The following RDH8 variants were observed in gnomAD, a reference collection of about 807,000 sequenced individuals.
The protein encoded by RDH8 is photoreceptor outer segment all-trans retinol dehydrogenase.
In RDH8, 14 loss-of-function variants were observed where a neutral mutation model predicts 22.3. The ratio of observed to expected loss-of-function variants is 0.63; its 90% CI spans 0.42 to 0.98. RDH8 has a LOEUF of 0.98. RDH8 is among the 50% of genes least tolerant of loss of function. The pLI, the probability that RDH8 is intolerant of heterozygous loss-of-function variation, is 0.00. For missense variants in RDH8, 389 were observed against 409.8 expected, an observed-to-expected ratio of 0.95 and a Z score of 0.44; for synonymous variants, 175 against 171.7, an observed-to-expected ratio of 1.02 and a Z score of -0.15.
intron 4 of RDH8, 141 bp downstream of exon 4, chr19:10,020,943 G>C (rs892353441): frequency 7.2e-6 from 5 of 694,700 alleles, no homozygotes; most frequent in Non-Finnish European, 1.2e-5. Flanking sequence ...AGGCTGAAAT[G>C]GGAGGATCGC....
intron 3 of RDH8, among the ~76,000 whole-genome samples, chr19:10,020,025 C>A (rs553553610): frequency 6.6e-6 from 1 of 152,036 alleles, no homozygotes; most frequent in Admixed American, 6.6e-5. Flanking sequence ...CCTGTAGTCC[C>A]AGCTACTCAG....
intron 2 of RDH8, 64 bp downstream of exon 2, chr19:10,017,279 G>A (rs1167891251): frequency 2.1e-6 from 3 of 1,427,134 alleles, no homozygotes; most frequent in East Asian, 2.4e-5. Flanking sequence ...CCCTCAATAT[G>A]GCAAGGTCTG....
rs559388073 is a variant in RDH8, at chr19:10,021,495, C to T, written c.721-39C>T. The T allele has an allele frequency of 7.4e-6, 12 of 1,613,814 alleles. 1 individual carries two copies. The South Asian group carries it at 1.3e-4, about 18-fold the overall frequency. Reference sequence around the variant, plus strand: ...GCTCAGGTATGTTGCGGGGTGAGGCCCTCCCTGGGTCCCAGCGCTCAGGGC... The same window carrying T: ...GCTCAGGTATGTTGCGGGGTGAGGCTCTCCCTGGGTCCCAGCGCTCAGGGC... On this transcript the variant is annotated intron_variant, in intron 5 of 5. Transcript: ENST00000591589.
Position 10,013,634 on chromosome 19 carries a change from G to A in RDH8, c.103+34G>A, listed in dbSNP as rs192436673. 1.6e-4 allele frequency: 264 copies of A among 1,611,506 alleles called. No homozygotes were observed. The African/African-American group carries it at 1.9e-3, about 12-fold the overall frequency. ...TGCAGGGTGGCACTAGGAGGCAGCC[G>A]GGTGGAAACGGCTTCCCCAGCACTG... is the stretch of plus-strand genomic sequence containing the variant. On this transcript the variant is annotated intron_variant, in intron 1 of 5. Transcript: ENST00000591589.
Position 10,021,817 on chromosome 19 carries a change from G to T in RDH8, c.*68G>T, listed in dbSNP as rs2087664602. ...CTCTTCATTCCACATCTAATTCAAA[G>T]GATGAACAGACTCTTCATTTATTCA... On this transcript the variant is annotated 3_prime_UTR_variant, in exon 6 of 6. Coordinates refer to ENST00000591589, the MANE Select transcript of RDH8 (RefSeq NM_015725.4). The T allele has an allele frequency of 2.1e-6, 3 of 1,461,692 alleles. No individual in the cohort carries two copies. The highest frequency in any genetic ancestry group is 4.7e-5 in the East Asian group (2 of 42,874). The allele number at this position is 1,461,692 out of a possible 1,614,324, so 90.5% of individuals were successfully genotyped here.
chr19:10,021,653 G>A lies in RDH8; in HGVS notation c.840G>A (p.Thr280=), dbSNP rs568430031. 4.3e-6 allele frequency: 7 copies of A among 1,614,034 alleles called. No individual in the cohort carries two copies. The highest frequency in any genetic ancestry group is 1.7e-5 in the Admixed American group (1 of 59,996). Residue 280 remains threonine (T), a synonymous_variant, in exon 6 of 6, where the codon ACG becomes ACA. Transcript: ENST00000591589. ...CCTCTGGCAGCCTGTATGTGCGAAC[G>A]ACCCACCGCCTCCTCTTCCGCTGTC... is the stretch of plus-strand genomic sequence containing the variant. ...VDSSGSLYVR[T]THRLLFRCPR...
intron 2 of RDH8, among the ~76,000 whole-genome samples, chr19:10,018,015 A>G (rs8104885): frequency 0.67 from 100,637 of 151,276 alleles, 34,459 homozygotes; most frequent in African/African-American, 0.84. Context: ...GCGCAATCTC[A>G]GCTCACTGCA....
rs939449748 is a variant in RDH8 at position 10,021,120 on chromosome 19, G to A, written c.537-135G>A. On this transcript the variant is annotated intron_variant, in intron 4 of 5. Transcript: ENST00000591589. ...ACCCAGGAGTTGGAGGCTGCAGACAGCTATGATCATGCCACTGCACTCCAG... is the reference window on the plus strand; with the variant it reads ...ACCCAGGAGTTGGAGGCTGCAGACAACTATGATCATGCCACTGCACTCCAG... 3 of 809,862 alleles carry A rather than the reference G, an allele frequency of 3.7e-6. No individual in the cohort carries two copies. The African/African-American group carries it at 5.2e-5, about 14-fold the overall frequency. The allele number at this position is 809,862 out of a possible 1,614,324, so 50.2% of individuals were successfully genotyped here.
chr19:10,013,624 G>T, intron 1 of RDH8, 24 bp downstream of exon 1: 1 of 1,613,188 alleles, frequency 6.2e-7, no homozygotes. Context: ...GGTGGCACTA[G>T]GAGGCAGCCG....
rs1049553523 is a variant in RDH8 at position 10,016,304 on chromosome 19, G to A, written c.104-753G>A. 2.3e-3 allele frequency among the ~76,000 whole-genome samples: 315 copies of A among 134,076 alleles called. 1 individual carries two copies. Among genetic ancestry groups the A allele is most frequent in the African/African-American group, 8.8e-3 (298 of 33,780 alleles). 88.0% of individuals were successfully genotyped at this position (134,076 alleles called of 152,430 possible). The stretch of plus-strand genomic sequence containing the variant: ...TGGGACTACAGGCGCCTGCCACCAC[G>A]CCAGGCTAATTTTTTTTTTTTTTTG... On this transcript the variant is annotated intron_variant, in intron 1 of 5. Transcript: ENST00000591589.
At chr19:10,015,051 C>T (rs536395446) in intron 1 of RDH8, among the ~76,000 whole-genome samples, 1 of 152,180 alleles carries the variant, frequency 6.6e-6, no homozygotes, top group Non-Finnish European at 1.5e-5. Flanking sequence ...AGGCAAATGC[C>T]CCCAGGAGTG....
chr19:10,013,532 G>T lies in RDH8; in HGVS notation c.35G>T (p.Gly12Val). 2 of 1,609,836 alleles carry T rather than the reference G, an allele frequency of 1.2e-6. No individual in the cohort carries two copies. Among genetic ancestry groups the T allele is most frequent in the Non-Finnish European group, 1.7e-6 (2 of 1,178,524 alleles). Reference sequence around the variant, plus strand: ...GCACCCCGGACTGTGTTGATCTCCGGCTGCTCATCAGGAATTGGTCTGGAA... The same window carrying T: ...GCACCCCGGACTGTGTTGATCTCCGTCTGCTCATCAGGAATTGGTCTGGAA... ...AAAPRTVLIS[G>V]CSSGIGLELA... is the part of the protein sequence containing the mutation. The change falls in exon 1 of 6, where the codon GGC (glycine) becomes GTC (valine). Residue 12 changes from glycine (G) to valine (V), a missense_variant. Coordinates refer to ENST00000591589, the MANE Select transcript of RDH8 (RefSeq NM_015725.4).
intron 1 of RDH8, among the ~76,000 whole-genome samples, chr19:10,016,834 C>T (rs978666276): frequency 3.9e-5 from 6 of 152,204 alleles, no homozygotes; most frequent in South Asian, 4.2e-4. Flanking sequence ...ATAGTAGATG[C>T]TCAATAAATG....
chr19:10,015,088 T>C (rs2087600383), intron 1 of RDH8, among the ~76,000 whole-genome samples: 3 of 152,048 alleles, frequency 2.0e-5, no homozygotes, highest in Admixed American at 2.0e-4. Flanking sequence ...GGTGCACACA[T>C]TGGGGGATAT....
chr19:10,020,829 G>T (rs767903714), intron 4 of RDH8, 27 bp downstream of exon 4: 3 of 1,547,226 alleles, frequency 1.9e-6, no homozygotes. Flanking sequence ...GGCAGAGGGG[G>T]CTTGGAGCCA....
intron 4 of RDH8, 43 bp from the exon 5 acceptor site, chr19:10,021,212 T>A: frequency 6.5e-7 from 1 of 1,542,868 alleles, no homozygotes; most frequent in Admixed American, 1.9e-5. Flanking sequence ...GGTCAGGGAG[T>A]GGTTGGGGCA....
intron 4 of RDH8, chr19:10,021,024 T>C: frequency 1.6e-6 from 1 of 626,210 alleles, no homozygotes. Flanking sequence ...AATTTAAAAA[T>C]TAGCCAAGGG....
intron 1 of RDH8, 123 bp from the exon 2 acceptor site, chr19:10,016,934 G>T: frequency 9.8e-7 from 1 of 1,016,694 alleles, no homozygotes; most frequent in East Asian, 2.7e-5. Context: ...GATAAATGTA[G>T]GTGTGTAAAC....
chr19:10,021,544 A>T lies in RDH8; in HGVS notation c.731A>T (p.Asn244Ile). The T allele has an allele frequency of 6.2e-7, 1 of 1,614,108 alleles. No homozygotes were observed. Among genetic ancestry groups the T allele is most frequent in the Non-Finnish European group, 8.5e-7 (1 of 1,180,012 alleles). The part of the protein sequence containing the change: ...NPQDVVQAIV[N>I]VISSTRPPLR... ...GCCTCCATTCTGCAGGCCATTGTCA[A>T]CGTCATCAGCTCGACTCGACCACCC... The change falls in exon 6 of 6, where the codon AAC becomes ATC. Residue 244 changes from asparagine to isoleucine, a missense_variant. Transcript: ENST00000591589.
Sources: gnomAD v4.1 joint callset for allele counts (sites outside exome capture counted in the v4.1 genomes callset) on GRCh38, gnomAD v4.1.1 for gene constraint, MANE v1.5 for transcripts, NCBI Gene and HGNC (gene_info 2026-07-23, HGNC 2026-07-21) for gene names.